CTBP2: variants seen among roughly 807,000 people sequenced by gnomAD.
The protein encoded by CTBP2 is C-terminal binding protein 2, also known as C-terminal-binding protein 2.
A neutral mutation model predicts 80.3 loss-of-function variants in CTBP2; 30 were observed. The ratio of observed to expected loss-of-function variants is 0.37; its 90% confidence interval spans 0.28 to 0.51. The LOEUF is 0.51. Among genes scored for constraint, CTBP2 ranks in the 20% least tolerant of loss-of-function variants. CTBP2 has a pLI of 0.93. For missense variants in CTBP2, 1,212 were observed against 1,375.3 expected (o/e 0.88, Z 1.88); for synonymous variants, 594 against 587.4 (o/e 1.01, Z -0.16).
intron 1 of CTBP2, among the ~76,000 whole-genome samples, chr10:125,014,274 C>G (rs3781428): frequency 6.6e-6 from 1 of 152,056 alleles, no homozygotes; most frequent in Non-Finnish European, 1.5e-5. Flanking sequence ...CTAACCTGGA[C>G]GACACAGTGA....
intron 2 of CTBP2, among the ~76,000 whole-genome samples, chr10:125,054,719 G>T (rs934840958): frequency 1.3e-5 from 2 of 152,098 alleles, no homozygotes; most frequent in African/African-American, 4.8e-5. Context: ...CAACAGAAAA[G>T]ATAAAAACAG....
At chr10:125,150,645 C>T (rs1053351431) in intron 1 of CTBP2, among the ~76,000 whole-genome samples, 4 of 151,756 alleles carry the variant, frequency 2.6e-5, no homozygotes, top group Non-Finnish European at 4.4e-5. Flanking sequence ...CTAACTATCA[C>T]CTGTGCCTCT....
intron 2 of CTBP2, among the ~76,000 whole-genome samples, chr10:125,100,418 TCC>T (rs2135803285): frequency 6.6e-6 from 1 of 152,288 alleles, no homozygotes; most frequent in East Asian, 1.9e-4. Context: ...TCCGCTCATT[TCC>T]TAGGTAAGAT....
chr10:125,110,562 C>T (rs953389135), intron 2 of CTBP2, among the ~76,000 whole-genome samples: 5 of 152,270 alleles, frequency 3.3e-5, no homozygotes, highest in South Asian at 4.2e-4. Flanking sequence ...ATCCACAAGC[C>T]GCCTTCTTCC....
At chr10:125,130,041 CTTTT>C (rs10700714) in intron 1 of CTBP2, among the ~76,000 whole-genome samples, 6 of 143,214 alleles carry the variant, frequency 4.2e-5, no homozygotes, top group Admixed American at 6.9e-5. Context: ...GGATTTCTCT[CTTTT>C]TTTTTTTTTT....
At chr10:125,030,518 C>G (rs184615717), upstream of CTBP2, among the ~76,000 whole-genome samples, 348 of 152,330 alleles carry the variant, frequency 2.3e-3, 1 homozygote, top group African/African-American at 8.1e-3. Flanking sequence ...TGGGTACCCT[C>G]CGACGGAGCA....
intron 1 of CTBP2, among the ~76,000 whole-genome samples, chr10:125,113,269 T>C (rs1458572516): frequency 6.6e-6 from 1 of 152,220 alleles, no homozygotes; most frequent in Non-Finnish European, 1.5e-5. Context: ...GTGGCAGAGC[T>C]TGCCTGGCAA....
intron 2 of CTBP2, among the ~76,000 whole-genome samples, chr10:125,060,463 C>CGTGTGTGTGTGT (rs56032803): frequency 4.1e-5 from 6 of 147,854 alleles, no homozygotes; most frequent in African/African-American, 1.0e-4. Flanking sequence ...ATTCCCCCCA[C>CGTGTGTGTGTGT]GTGTGTGTGT....
chr10:125,098,515 G>A (rs1040156712), intron 2 of CTBP2, among the ~76,000 whole-genome samples: 7 of 152,064 alleles, frequency 4.6e-5, no homozygotes, highest in South Asian at 2.1e-4. Context: ...GGGGATGAGC[G>A]GGCCATGCTT....
chr10:125,118,688 C>T (rs565025814), intron 1 of CTBP2, among the ~76,000 whole-genome samples: 1 of 117,750 alleles, frequency 8.5e-6, no homozygotes, highest in African/African-American at 3.4e-5. Context: ...ATCACCTGAA[C>T]TTGAAAGAGA....
chr10:125,009,724 T>C (rs1228293939), intron 1 of CTBP2, among the ~76,000 whole-genome samples: 1 of 152,202 alleles, frequency 6.6e-6, no homozygotes, highest in Non-Finnish European at 1.5e-5. Context: ...GGCCAGATTC[T>C]GATGCTGGGA....
At chr10:125,096,352 A>G (rs1429429438) in intron 2 of CTBP2, among the ~76,000 whole-genome samples, 1 of 152,184 alleles carries the variant, frequency 6.6e-6, no homozygotes, top group Non-Finnish European at 1.5e-5. Flanking sequence ...AGTTATGAAA[A>G]GTGAAAAAGA....
At chr10:125,047,837 C>A (rs1037269532) in intron 2 of CTBP2, among the ~76,000 whole-genome samples, 1 of 152,172 alleles carries the variant, frequency 6.6e-6, no homozygotes, top group Non-Finnish European at 1.5e-5. Context: ...ACACTTAACA[C>A]ATGAATTGCC....
chr10:125,052,519 C>CCTTTGTGTTGT (rs1197230117), intron 2 of CTBP2, among the ~76,000 whole-genome samples: 1 of 152,224 alleles, frequency 6.6e-6, no homozygotes, highest in Non-Finnish European at 1.5e-5. Flanking sequence ...GACCGTCCTG[C>CCTTTGTGTTGT]CTTTGTGTTG....
At chr10:125,116,837 G>A (rs537150198) in intron 1 of CTBP2, among the ~76,000 whole-genome samples, 14 of 152,318 alleles carry the variant, frequency 9.2e-5, no homozygotes, top group Admixed American at 6.5e-4. Flanking sequence ...CAAGGGCAGC[G>A]GTCAAGGAAA....
intron 8 of CTBP2, among the ~76,000 whole-genome samples, chr10:124,992,135 T>C (rs992202720): frequency 3.3e-5 from 5 of 151,530 alleles, no homozygotes; most frequent in African/African-American, 9.7e-5. Context: ...AAGATTCAAA[T>C]TGGAAAATGA....
At chr10:125,151,986 T>TACAAGTGTAA (rs1860012668) in intron 1 of CTBP2, among the ~76,000 whole-genome samples, 1 of 152,012 alleles carries the variant, frequency 6.6e-6, no homozygotes, top group Admixed American at 6.5e-5. Flanking sequence ...CGGCTCCATT[T>TACAAGTGTAA]ACAAGTGTAA....
rs1846034283 is a variant in CTBP2, at chr10:125,074,739, T to G, written c.-101-35584A>C. On this transcript the variant is annotated intron_variant, in intron 2 of 10. Coordinates refer to the CTBP2 transcript ENST00000337195. ...GTGTTGTTCTCCAGTAACTTCTTTC[T>G]TACCTTGAAGCACTCTGTGTAGTAC... 2.0e-5 allele frequency among the ~76,000 whole-genome samples: 3 copies of G among 152,244 alleles called. No homozygotes were observed. The South Asian group carries it at 6.2e-4, about 32-fold the overall frequency.
chr10:125,122,918 TACA>T (rs1481834644), intron 1 of CTBP2: 2 of 152,188 alleles, frequency 1.3e-5, no homozygotes, highest in Admixed American at 1.3e-4. Flanking sequence ...CAGCCATACA[TACA>T]ACAACTTGAA....
Sources: gnomAD v4.1 joint callset for allele counts (sites outside exome capture counted in the v4.1 genomes callset) on GRCh38, gnomAD v4.1.1 for gene constraint, MANE v1.5 for transcripts, NCBI Gene and HGNC (gene_info 2026-07-23, HGNC 2026-07-21) for gene names.